ZNF718: variants seen among roughly 807,000 people sequenced by gnomAD.
The protein encoded by ZNF718 is zinc finger protein 718.
ZNF718 carries 3 observed loss-of-function variants against 2.6 expected under a neutral mutation model. That is an observed-to-expected ratio of 1.16 (90% CI 0.53 to 3.01). The LOEUF is 3.01. Ranked by LOEUF, ZNF718 falls within the 30% of genes most tolerant of loss-of-function variation. ZNF718 has a pLI of 0.03. For missense variants in ZNF718, 468 were observed against 230.0 expected (o/e 2.03, Z -6.69); for synonymous variants, 135 against 77.9 (o/e 1.73, Z -3.86).
chr4:126,342 A>G (rs187249130), intron 1 of ZNF718, among the ~76,000 whole-genome samples: 15 of 152,350 alleles, frequency 9.8e-5, no homozygotes, highest in Admixed American at 7.2e-4. Context: ...GAAAATTTTT[A>G]TAATTATTTT....
At chr4:191,641 T>C (rs1015889969) in intron 3 of ZNF718, among the ~76,000 whole-genome samples, 2 of 151,880 alleles carry the variant, frequency 1.3e-5, no homozygotes, top group South Asian at 2.1e-4. Flanking sequence ...AAAATAAATA[T>C]AAATGGAAAT....
chr4:191,470 A>G (rs1553821221), intron 3 of ZNF718, among the ~76,000 whole-genome samples: 1 of 152,066 alleles, frequency 6.6e-6, no homozygotes, highest in East Asian at 1.9e-4. Context: ...TAATAGAAGA[A>G]ACACAGTGGG....
intron 1 of ZNF718, among the ~76,000 whole-genome samples, chr4:125,561 C>T (rs78093851): frequency 0.017 from 2,661 of 152,240 alleles, 75 homozygotes; most frequent in African/African-American, 0.06. Flanking sequence ...AAGACATGGC[C>T]GAGTCTGGGT....
rs1167529677 is a variant in ZNF718 at position 130,301 on chromosome 4, A to G, written c.4-487A>G. 6.7e-5 allele frequency among the ~76,000 whole-genome samples: 7 copies of G among 104,010 alleles called. 2 individuals carry two copies. The highest frequency in any genetic ancestry group is 5.2e-4 in the Admixed American group (5 of 9,664). 68.2% of individuals were successfully genotyped at this position (104,010 alleles called of 152,430 possible). On this transcript the variant is annotated intron_variant, in intron 1 of 3. Transcript: ENST00000510175. ...TGTTACTTACAGTGAGGCTTTGAAT[A>G]CCAAATAATTTATATGCATTTTGAA...
intron 3 of ZNF718, among the ~76,000 whole-genome samples, chr4:200,640 C>T (rs1386539093): frequency 7.2e-5 from 11 of 152,062 alleles, no homozygotes; most frequent in African/African-American, 2.7e-4. Flanking sequence ...TTACCAAACT[C>T]AGTAAATATT....
chr4:187,745 G>A (rs182510072), intron 3 of ZNF718, among the ~76,000 whole-genome samples: 1 of 152,132 alleles, frequency 6.6e-6, no homozygotes, highest in East Asian at 1.9e-4. Context: ...TAAAGGAGGA[G>A]TCTGGCTGTG....
intron 3 of ZNF718, among the ~76,000 whole-genome samples, chr4:180,450 T>G (rs1021378969): frequency 1.3e-5 from 2 of 152,192 alleles, no homozygotes; most frequent in African/African-American, 4.8e-5. Context: ...GCCAGGGATC[T>G]CAGTATAAGA....
At chr4:165,624 C>T (rs1329971032), downstream of ZNF718, among the ~76,000 whole-genome samples, 2 of 152,172 alleles carry the variant, frequency 1.3e-5, no homozygotes. Context: ...CATGGCAAAA[C>T]CCCGTTTCTA....
chr4:149,349 C>A (rs1317263200), intron 3 of ZNF718, among the ~76,000 whole-genome samples: 1 of 152,116 alleles, frequency 6.6e-6, no homozygotes, highest in Non-Finnish European at 1.5e-5. Flanking sequence ...TCAATAAGAA[C>A]ATAGTCACAG....
chr4:171,128 C>T (rs1717216473), intron 3 of ZNF718, among the ~76,000 whole-genome samples: 1 of 152,166 alleles, frequency 6.6e-6, no homozygotes, highest in Non-Finnish European at 1.5e-5. Context: ...CCCTCTTTGC[C>T]TGGGTATCAG....
chr4:185,036 A>T lies in ZNF718; in HGVS notation c.227-16045A>T, dbSNP rs377367418. ...TCTGATCTTGGTTATTTTTTGTCTT[A>T]TGCTAACTTTGGGGTTTGTTTGCTC... On this transcript the variant is annotated intron_variant and NMD_transcript_variant, in intron 3 of 4. Coordinates refer to the ZNF718 transcript ENST00000642529. Among the ~76,000 whole-genome samples the T allele has an allele frequency of 6.0e-4, 91 of 151,976 alleles. No individual in the cohort carries two copies. In the South Asian group the frequency reaches 0.017, roughly 29 times the overall value.
intron 3 of ZNF718, among the ~76,000 whole-genome samples, chr4:197,802 C>G (rs1717822382): frequency 6.6e-6 from 1 of 152,186 alleles, no homozygotes; most frequent in South Asian, 2.1e-4. Context: ...TTCATTGTGT[C>G]TCTTCCATGG....
intron 3 of ZNF718, among the ~76,000 whole-genome samples, chr4:171,867 A>G (rs1033784022): frequency 6.6e-5 from 10 of 152,044 alleles, no homozygotes; most frequent in African/African-American, 2.4e-4. Flanking sequence ...CCACTTTCCA[A>G]CACTCCCTAG....
intron 3 of ZNF718, chr4:150,378 C>G (rs1469715900): frequency 6.6e-6 from 1 of 151,938 alleles, no homozygotes; most frequent in Non-Finnish European, 1.5e-5. Flanking sequence ...TGATGTAGTA[C>G]CATGTGTATT....
intron 3 of ZNF718, among the ~76,000 whole-genome samples, chr4:132,136 CAAAA>C (rs1282889814): frequency 4.3e-5 from 2 of 46,214 alleles, no homozygotes; most frequent in Non-Finnish European, 9.0e-5. Flanking sequence ...GATTCAGTCT[CAAAA>C]AAAAAAAAAA....
chr4:194,154 C>T (rs772935205), intron 3 of ZNF718, among the ~76,000 whole-genome samples: 5 of 152,208 alleles, frequency 3.3e-5, no homozygotes, highest in South Asian at 2.1e-4. Context: ...AGTTTTGCTC[C>T]GGGCCTAAGG....
chr4:130,557 C>A lies in ZNF718; in HGVS notation c.4-231C>A, dbSNP rs1248627980. On this transcript the variant is annotated intron_variant, in intron 1 of 3. Transcript: ENST00000510175. ...GGTCAGAAGATGGAGACCATCCTGG[C>A]CAACATCGTGAAACCCTGTCTCTAA... Among the ~76,000 whole-genome samples the A allele has an allele frequency of 4.6e-4, 47 of 101,716 alleles. 13 individuals carry two copies. In the South Asian group the frequency reaches 0.015, roughly 32 times the overall value. The allele number at this position is 101,716 out of a possible 152,430, so 66.7% of individuals were successfully genotyped here.
chr4:169,244 A>T (rs760467722), intron 3 of ZNF718, among the ~76,000 whole-genome samples: 3 of 152,114 alleles, frequency 2.0e-5, no homozygotes. Context: ...GTTCTTTTAC[A>T]TTTGCTGAGG....
intron 3 of ZNF718, among the ~76,000 whole-genome samples, chr4:176,656 C>G (rs1252910027): frequency 6.6e-6 from 1 of 152,212 alleles, no homozygotes; most frequent in East Asian, 1.9e-4. Flanking sequence ...ACCTCAATCA[C>G]TCTTCTTGCA....
Sources: gnomAD v4.1 joint callset for allele counts (sites outside exome capture counted in the v4.1 genomes callset) on GRCh38, gnomAD v4.1.1 for gene constraint, MANE v1.5 for transcripts, NCBI Gene and HGNC (gene_info 2026-07-23, HGNC 2026-07-21) for gene names.